The following CDH22 variants were observed in gnomAD, a reference collection of about 807,000 sequenced individuals.
CDH22 encodes the protein cadherin 22.
CDH22 carries 30 observed loss-of-function variants against 58.4 expected under a neutral mutation model. The observed-to-expected ratio is 0.51, with a 90% CI of 0.38 to 0.70. The LOEUF is 0.70. Among genes scored for constraint, CDH22 ranks in the 30% least tolerant of loss-of-function variants. CDH22 has a pLI of 0.00. For missense variants in CDH22, 1,014 were observed against 1,233.9 expected, an observed-to-expected ratio of 0.82 and a Z score of 2.67; for synonymous variants, 513 against 558.2, an observed-to-expected ratio of 0.92 and a Z score of 1.14.
chr20:46,236,675 ATC>A (rs2086255843), intron 3 of CDH22, among the ~76,000 whole-genome samples: 1 of 137,574 alleles, frequency 7.3e-6, no homozygotes, highest in South Asian at 2.2e-4. Flanking sequence ...CTATCTATCT[ATC>A]TATCTATATA....
rs546133323 is a variant in CDH22, at chr20:46,279,741, A to G, written c.-399-28048T>C. ...CTTCAGCTTCATCGACAGTGCCCTG[A>G]TTTCTAAGAGAATGGATTCAGGTAT... On this transcript the variant is annotated intron_variant, in intron 1 of 11. Coordinates refer to ENST00000537909, the MANE Select transcript of CDH22 (RefSeq NM_021248.3). Among the ~76,000 whole-genome samples, 9 of 152,350 alleles carry G rather than the reference A, an allele frequency of 5.9e-5. No individual in the cohort carries two copies. In the South Asian group the frequency reaches 1.9e-3, roughly 32 times the overall value.
intron 3 of CDH22, among the ~76,000 whole-genome samples, chr20:46,229,617 G>A (rs913865549): frequency 5.9e-5 from 9 of 152,150 alleles, no homozygotes; most frequent in South Asian, 2.1e-4. Flanking sequence ...CAATTTCCAC[G>A]TCCAGCACCA....
chr20:46,257,521 C>G (rs1327391497), intron 1 of CDH22, among the ~76,000 whole-genome samples: 1 of 152,124 alleles, frequency 6.6e-6, no homozygotes, highest in Non-Finnish European at 1.5e-5. Context: ...TGTGACCATG[C>G]CCTCAGCCTG....
intron 4 of CDH22, among the ~76,000 whole-genome samples, chr20:46,227,282 C>G (rs1199824965): frequency 6.6e-6 from 1 of 152,180 alleles, no homozygotes; most frequent in Non-Finnish European, 1.5e-5. Flanking sequence ...TTGGAAGAAC[C>G]CCCCACCCCA....
Position 46,174,743 on chromosome 20 carries a change from G to T in CDH22, c.2250C>A (p.Phe750Leu). The T allele has an allele frequency of 6.4e-7, 1 of 1,551,942 alleles. No homozygotes were observed. Among genetic ancestry groups the T allele is most frequent in the Non-Finnish European group, 8.6e-7 (1 of 1,156,318 alleles). ...CCGCCAGTGCCACCTTGCGGCTGAT[G>T]AAGTCCCTGAACACTGAGAAGTCTG... The part of the protein sequence containing the change: ...PEPDFSVFRD[F>L]ISRKVALADG... The change falls in exon 12 of 12, where the codon TTC (phenylalanine) becomes TTA (leucine). Residue 750 changes from phenylalanine to leucine, a missense_variant. Phe to Leu is a conservative substitution (Grantham distance 22, BLOSUM62 0). This residue lies in a region of CDH22 where 208 missense variants were observed against 195.2 expected (regional missense o/e 1.07). Coordinates refer to ENST00000537909, the MANE Select transcript of CDH22 (RefSeq NM_021248.3). The surrounding 1 kb of genome is among the most constrained non-coding windows in gnomAD (Gnocchi z 4.4).
chr20:46,228,023 A>G (rs549241298), intron 3 of CDH22, among the ~76,000 whole-genome samples: 5 of 152,206 alleles, frequency 3.3e-5, no homozygotes, highest in South Asian at 2.1e-4. Context: ...AAGTTTCTCA[A>G]TGATGGCGAC....
At chr20:46,198,827 T>C (rs1018043070) in intron 8 of CDH22, among the ~76,000 whole-genome samples, 1 of 152,208 alleles carries the variant, frequency 6.6e-6, no homozygotes, top group African/African-American at 2.4e-5. Context: ...TTCCTGCAGA[T>C]GTCAGCATGA....
chr20:46,255,263 C>T (rs533112527), intron 1 of CDH22, among the ~76,000 whole-genome samples: 15 of 152,254 alleles, frequency 9.9e-5, no homozygotes, highest in South Asian at 4.1e-4. Flanking sequence ...CCACCCACCT[C>T]GGCCTCCCAA....
intron 3 of CDH22, among the ~76,000 whole-genome samples, chr20:46,237,113 C>T (rs1193698120): frequency 6.6e-6 from 1 of 152,234 alleles, no homozygotes; most frequent in Non-Finnish European, 1.5e-5. Context: ...GTGCCTGGCA[C>T]ATAGCAGGCA....
intron 10 of CDH22, among the ~76,000 whole-genome samples, chr20:46,181,787 C>CTTTCTTTCTTTCTTTCTTTCTTTT (rs1277010102): frequency 7.7e-6 from 1 of 129,756 alleles, no homozygotes; most frequent in Non-Finnish European, 1.6e-5. Context: ...TTCTTTCTTT[C>CTTTCTTTCTTTCTTTCTTTCTTTT]TTTCTTTTCT....
intron 10 of CDH22, among the ~76,000 whole-genome samples, chr20:46,180,652 A>T (rs1056020573): frequency 1.3e-5 from 2 of 152,180 alleles, no homozygotes; most frequent in African/African-American, 4.8e-5. Context: ...CATTTTGTAT[A>T]TATGGAAATT....
At chr20:46,213,559 T>G (rs537166269) in intron 5 of CDH22, among the ~76,000 whole-genome samples, 1 of 152,306 alleles carries the variant, frequency 6.6e-6, no homozygotes, top group Admixed American at 6.5e-5. Flanking sequence ...TTTCCTCCTC[T>G]GTAAAATGGA....
chr20:46,200,811 G>A (rs1209843508), intron 7 of CDH22, among the ~76,000 whole-genome samples: 1 of 152,182 alleles, frequency 6.6e-6, no homozygotes, highest in Non-Finnish European at 1.5e-5. Flanking sequence ...AGCCAACGGG[G>A]AATTTTGAGC....
intron 8 of CDH22, among the ~76,000 whole-genome samples, chr20:46,192,519 G>A (rs979082884): frequency 1.3e-5 from 2 of 151,866 alleles, no homozygotes; most frequent in Non-Finnish European, 2.9e-5. Flanking sequence ...ACAGAAGCCT[G>A]GAGAGAAAGA....
At chr20:46,248,399 C>T (rs1180485641) in intron 2 of CDH22, among the ~76,000 whole-genome samples, 1 of 152,204 alleles carries the variant, frequency 6.6e-6, no homozygotes, top group Non-Finnish European at 1.5e-5. Flanking sequence ...TAGGCAGATG[C>T]ATCAGTCCTT....
rs111538641 is a variant in CDH22 at position 46,181,881 on chromosome 20, A to G, written c.1664-3684T>C. ...ACCCAAATTGGAGTGCAGTGGTGCAATCTTGGCTCACTACAACCTCCGTCT... is the reference window on the plus strand; with the variant it reads ...ACCCAAATTGGAGTGCAGTGGTGCAGTCTTGGCTCACTACAACCTCCGTCT... On this transcript the variant is annotated intron_variant, in intron 10 of 11. Transcript: ENST00000537909. 2.8e-3 allele frequency among the ~76,000 whole-genome samples: 411 copies of G among 148,880 alleles called. 1 individual carries two copies. The highest frequency in any genetic ancestry group is 4.6e-3 in the Non-Finnish European group (309 of 67,542).
intron 1 of CDH22, among the ~76,000 whole-genome samples, chr20:46,305,131 C>T (rs553606253): frequency 8.5e-5 from 13 of 152,356 alleles, no homozygotes; most frequent in Admixed American, 3.3e-4. Flanking sequence ...GTCCCTCCTG[C>T]CAGATACACA....
At chr20:46,282,705 G>T (rs548944996) in intron 1 of CDH22, among the ~76,000 whole-genome samples, 1 of 152,172 alleles carries the variant, frequency 6.6e-6, no homozygotes, top group East Asian at 1.9e-4. Flanking sequence ...AGATGTTCCC[G>T]TCGTCTTCTC....
At chr20:46,243,256 G>T (rs1230654221) in intron 2 of CDH22, among the ~76,000 whole-genome samples, 1 of 152,220 alleles carries the variant, frequency 6.6e-6, no homozygotes. Flanking sequence ...GTAGAACTTT[G>T]TGTCTGAAAG....
Sources: allele counts gnomAD v4.1 joint callset (sites outside exome capture counted in the v4.1 genomes callset), GRCh38; gene constraint gnomAD v4.1.1; regional missense constraint gnomAD v4.1.1; non-coding constraint Gnocchi (gnomAD v3.1); transcripts MANE v1.5; gene names NCBI Gene and HGNC (gene_info 2026-07-23, HGNC 2026-07-21).